TBC1D19: variants seen among roughly 807,000 people sequenced by gnomAD.
TBC1D19 encodes TBC1 domain family member 19.
Under a neutral mutation model 89.0 loss-of-function variants are expected in TBC1D19, and 60 were observed. The ratio of observed to expected loss-of-function variants is 0.67; its 90% CI spans 0.55 to 0.84. TBC1D19 has a LOEUF of 0.84. Ranked by LOEUF, TBC1D19 falls within the 40% of genes least tolerant of loss-of-function variation. The pLI is 0.00. For synonymous variants in TBC1D19, 189 were observed against 199.7 expected (o/e 0.95, Z 0.45); for missense variants, 500 against 610.8 (o/e 0.82, Z 1.91).
In TBC1D19 at chr4:26,620,605, G is replaced by T. The variant is rs1380502646; in HGVS notation, c.219-8G>T. The T allele has an allele frequency of 6.2e-7, 1 of 1,611,414 alleles. No homozygotes were observed. Among genetic ancestry groups the T allele is most frequent in the Non-Finnish European group, 8.5e-7 (1 of 1,178,900 alleles). ...GTGTGATATTTAGCTGCCTCTTTTT[G>T]CTCCTAGGTTTCCTTTACCTAGTCA... On this transcript the variant is annotated splice_polypyrimidine_tract_variant and splice_region_variant and intron_variant, in intron 3 of 20. Coordinates refer to ENST00000264866, the MANE Select transcript of TBC1D19 (RefSeq NM_018317.4).
intron 13 of TBC1D19, among the ~76,000 whole-genome samples, chr4:26,711,108 C>A (rs1177631128): frequency 6.6e-6 from 1 of 152,030 alleles, no homozygotes; most frequent in East Asian, 1.9e-4. Flanking sequence ...TTGCCCATGT[C>A]TATGTCATGG....
chr4:26,820,677 C>A, the TBC1D19 span, among the ~76,000 whole-genome samples: 1 of 152,092 alleles, frequency 6.6e-6, no homozygotes, highest in Admixed American at 6.6e-5. Context: ...AATTTCAATT[C>A]TTTTGGATAT....
At chr4:26,752,702 G>T (rs1719036239) in intron 19 of TBC1D19, among the ~76,000 whole-genome samples, 1 of 152,116 alleles carries the variant, frequency 6.6e-6, no homozygotes, top group Non-Finnish European at 1.5e-5. Context: ...TTTCAAATGG[G>T]TCCTTCTGTT....
chr4:26,681,126 C>A (rs1487861307), intron 11 of TBC1D19, among the ~76,000 whole-genome samples: 1 of 152,178 alleles, frequency 6.6e-6, no homozygotes, highest in African/African-American at 2.4e-5. Context: ...GTTTCTCATG[C>A]ATGAGAATGT....
At chr4:26,821,708 G>C in the TBC1D19 span, among the ~76,000 whole-genome samples, 1 of 152,228 alleles carries the variant, frequency 6.6e-6, no homozygotes. Context: ...GGGCTGTCCT[G>C]TAACTGTGCC....
the TBC1D19 span, among the ~76,000 whole-genome samples, chr4:26,817,981 A>AAAAT: frequency 1.3e-3 from 160 of 126,048 alleles, 2 homozygotes; most frequent in African/African-American, 5.4e-3. Flanking sequence ...AAAAAAAAAA[A>AAAAT]ATATATATAT....
At chr4:26,615,853 T>G (rs1039015064) in intron 3 of TBC1D19, among the ~76,000 whole-genome samples, 2 of 152,152 alleles carry the variant, frequency 1.3e-5, no homozygotes, top group Non-Finnish European at 2.9e-5. Context: ...ATTTACAATA[T>G]GTACTAAAGG....
chr4:26,688,288 A>G lies in TBC1D19; in HGVS notation c.892-57A>G, dbSNP rs574445171. 45 of 1,512,984 alleles carry G rather than the reference A, an allele frequency of 3.0e-5. No homozygotes were observed. In the African/African-American group the frequency reaches 6.4e-4, roughly 21 times the overall value. 93.7% of individuals were successfully genotyped at this position (1,512,984 alleles called of 1,614,324 possible). On this transcript the variant is annotated intron_variant, in intron 12 of 20. Transcript: ENST00000264866. ...GCTTCTAAATACATGTGTATGCTTT[A>G]GTACTACAGACAGATCTGTTTGAGT...
chr4:26,798,588 A>G, the TBC1D19 span, among the ~76,000 whole-genome samples: 1 of 151,972 alleles, frequency 6.6e-6, no homozygotes, highest in East Asian at 1.9e-4. Flanking sequence ...TAAAAAAGTC[A>G]CCCGCATTCA....
intron 4 of TBC1D19, among the ~76,000 whole-genome samples, chr4:26,624,659 AG>A (rs1742278440): frequency 6.6e-6 from 1 of 152,186 alleles, no homozygotes; most frequent in African/African-American, 2.4e-5. Flanking sequence ...TTGGATTGAT[AG>A]TAAAGGAGTT....
the TBC1D19 span, among the ~76,000 whole-genome samples, chr4:26,788,001 A>G: frequency 6.6e-6 from 1 of 152,138 alleles, no homozygotes; most frequent in African/African-American, 2.4e-5. Flanking sequence ...TAAAGATTAG[A>G]TGATACAAAG....
At chr4:26,763,104 C>G in the TBC1D19 span, among the ~76,000 whole-genome samples, 10 of 152,194 alleles carry the variant, frequency 6.6e-5, no homozygotes, top group Admixed American at 4.6e-4. Context: ...TTTTAATAAC[C>G]CTTTTTATAA....
chr4:26,681,057 A>G (rs1249137238), intron 11 of TBC1D19, among the ~76,000 whole-genome samples: 1 of 152,242 alleles, frequency 6.6e-6, no homozygotes, highest in East Asian at 1.9e-4. Flanking sequence ...CAATAAATAT[A>G]TGAAAGATTC....
the TBC1D19 span, among the ~76,000 whole-genome samples, chr4:26,841,779 A>G: frequency 6.6e-6 from 1 of 152,156 alleles, no homozygotes; most frequent in East Asian, 1.9e-4. Context: ...GCTTGTGTTC[A>G]TTTCTTCTGA....
At chr4:26,851,304 C>CCTCTCTATCTATCTATCTATCTAT in the TBC1D19 span, among the ~76,000 whole-genome samples, 1 of 146,974 alleles carries the variant, frequency 6.8e-6, no homozygotes, top group Admixed American at 6.8e-5. Flanking sequence ...TAATAAATAC[C>CCTCTCTATCTATCTATCTATCTAT]CTATCTATCT....
intron 4 of TBC1D19, among the ~76,000 whole-genome samples, chr4:26,626,207 G>T (rs1742387708): frequency 6.6e-6 from 1 of 152,020 alleles, no homozygotes; most frequent in South Asian, 2.1e-4. Context: ...TAAAGGTTTG[G>T]AGAAGTTCTG....
At chr4:26,614,232 A>G (rs750229107) in intron 2 of TBC1D19, among the ~76,000 whole-genome samples, 176 bp from the exon 3 acceptor site, 6 of 152,228 alleles carry the variant, frequency 3.9e-5, no homozygotes, top group Non-Finnish European at 8.8e-5. Flanking sequence ...GACAAGGGAT[A>G]TGGTAAGTGT....
At chr4:26,744,826 T>A (rs1051819280) in intron 18 of TBC1D19, among the ~76,000 whole-genome samples, 1 of 152,114 alleles carries the variant, frequency 6.6e-6, no homozygotes, top group Non-Finnish European at 1.5e-5. Flanking sequence ...CTGAAAAAAA[T>A]TTGTATTCTG....
chr4:26,839,513 G>C, the TBC1D19 span, among the ~76,000 whole-genome samples: 1 of 152,032 alleles, frequency 6.6e-6, no homozygotes, highest in African/African-American at 2.4e-5. Flanking sequence ...GAAGATGTGT[G>C]GGAAGGAGCA....
Sources: allele counts gnomAD v4.1 joint callset (sites outside exome capture counted in the v4.1 genomes callset), GRCh38; gene constraint gnomAD v4.1.1; transcripts MANE v1.5; gene names NCBI Gene and HGNC (gene_info 2026-07-23, HGNC 2026-07-21).